The following RTN4 variants were observed in gnomAD, a reference collection of about 807,000 sequenced individuals.
RTN4 encodes reticulon 4, also known as reticulon-4.
A neutral mutation model predicts 90.4 loss-of-function variants in RTN4; 32 were observed. The ratio of observed to expected loss-of-function variants is 0.35; its 90% CI spans 0.27 to 0.48. The LOEUF is 0.48. RTN4 is among the 20% of genes least tolerant of loss of function. The pLI is 0.99. For synonymous variants in RTN4, 629 were observed against 552.5 expected, an observed-to-expected ratio of 1.14 and a Z score of -1.94; for missense variants, 1,706 against 1,430.2, an observed-to-expected ratio of 1.19 and a Z score of -3.11.
At chr2:55,005,493 G>C (rs568239438) in intron 3 of RTN4, among the ~76,000 whole-genome samples, 1 of 152,308 alleles carries the variant, frequency 6.6e-6, no homozygotes, top group South Asian at 2.1e-4. Flanking sequence ...ATCCATGATA[G>C]ACACTCACAT....
At chr2:55,048,119 A>G (rs1416444567) in intron 1 of RTN4, among the ~76,000 whole-genome samples, 1 of 152,220 alleles carries the variant, frequency 6.6e-6, no homozygotes, top group African/African-American at 2.4e-5. Flanking sequence ...CTGTAACACA[A>G]TGGTATTTGT....
Position 55,050,225 on chromosome 2 carries a change from G to T in RTN4, c.76C>A (p.Gln26Lys). ...PPRPQPAFKY[Q>K]FVREPEDEEE... ...TCGTCCTCGGGCTCCCTCACGAACT[G>T]GTACTTGAACGCGGGCTGCGGCCGG... The change falls in exon 1 of 9, where the codon CAG becomes AAG. Residue 26 changes from glutamine to lysine, a missense_variant. By Grantham distance (53) the Gln-to-Lys change is moderately conservative. Coordinates refer to ENST00000337526, the MANE Select transcript of RTN4 (RefSeq NM_020532.5). This position sits in a 1 kb window ranked among gnomAD's most constrained non-coding sequence, Gnocchi z 4.6. 2 of 1,560,430 alleles carry T rather than the reference G, an allele frequency of 1.3e-6. No homozygotes were observed. Among genetic ancestry groups the T allele is most frequent in the South Asian group, 2.3e-5 (2 of 85,236 alleles).
At chr2:54,981,817 A>ATATGAATCATATACAAGCTAAGAAAC (rs70944201) in intron 5 of RTN4, among the ~76,000 whole-genome samples, 1 of 151,750 alleles carries the variant, frequency 6.6e-6, no homozygotes, top group Non-Finnish European at 1.5e-5. Context: ...TTTCATGTAC[A>ATATGAATCATATACAAGCTAAGAAAC]TAAGTGCTAG....
rs1185967561 is a variant in RTN4 at position 55,103,649 on chromosome 2, C to T, written c.-214+8871G>A. 3.3e-5 allele frequency among the ~76,000 whole-genome samples: 5 copies of T among 152,102 alleles called. No individual in the cohort carries two copies. The South Asian group carries it at 6.2e-4, about 19-fold the overall frequency. ...CTTTATTTTTTTCCCTCTTTTTCTA[C>T]GTCTCACAGAAGACTTCTATACAGT... is the stretch of plus-strand genomic sequence containing the variant. On this transcript the variant is annotated intron_variant, in intron 1 of 3. Coordinates refer to the RTN4 transcript ENST00000427710.
chr2:55,047,975 T>C (rs529454599), intron 1 of RTN4, among the ~76,000 whole-genome samples: 18 of 152,356 alleles, frequency 1.2e-4, no homozygotes, highest in African/African-American at 4.3e-4. Flanking sequence ...TAGGCAATTC[T>C]GTCGTTGTGC....
chr2:55,098,959 T>C (rs1043046600), intron 1 of RTN4, among the ~76,000 whole-genome samples: 1 of 152,198 alleles, frequency 6.6e-6, no homozygotes, highest in African/African-American at 2.4e-5. Context: ...GACTTCTTCA[T>C]GAATGGGTGT....
the RTN4 span, among the ~76,000 whole-genome samples, chr2:55,135,095 A>C: frequency 6.6e-6 from 1 of 152,180 alleles, no homozygotes; most frequent in Admixed American, 6.5e-5. Context: ...GTGAGACTCC[A>C]TTTCTATTAA....
At chr2:54,990,829 G>A (rs917610791) in intron 3 of RTN4, among the ~76,000 whole-genome samples, 16 of 151,536 alleles carry the variant, frequency 1.1e-4, no homozygotes, top group African/African-American at 2.2e-4. Flanking sequence ...ACTGTCGCCC[G>A]GGCTGGAGTG....
upstream of RTN4, chr2:55,112,632 G>A (rs956159568): frequency 6.6e-6 from 1 of 152,376 alleles, no homozygotes; most frequent in Non-Finnish European, 1.5e-5. Context: ...GCTGGAACCT[G>A]ACCCTGAAGC....
rs1681771984 is a variant in RTN4 at position 55,025,517 on chromosome 2, T to C, written c.2582A>G (p.Asp861Gly). ...ATCTATAATTTCAATTGGAGATGAA[T>C]CTGAAAACGTTTCAGTTTCTCTTAT... is the stretch of plus-strand genomic sequence containing the variant. ...AQIRETETFSDSSPIEIIDEF... is the reference protein window; with the variant it reads ...AQIRETETFSGSSPIEIIDEF... The change falls in exon 3 of 9, where the codon GAT (aspartate) becomes GGT (glycine). Residue 861 changes from aspartate (D) to glycine (G), a missense_variant. Physicochemically the swap from Asp to Gly is moderately conservative, Grantham distance 94. Transcript: ENST00000337526. The C allele has an allele frequency of 6.2e-7, 1 of 1,613,724 alleles. No homozygotes were observed. Among genetic ancestry groups the C allele is most frequent in the Non-Finnish European group, 8.5e-7 (1 of 1,179,774 alleles).
At chr2:55,037,559 G>A (rs141533225) in intron 1 of RTN4, among the ~76,000 whole-genome samples, 4 of 152,192 alleles carry the variant, frequency 2.6e-5, no homozygotes, top group African/African-American at 9.7e-5. Flanking sequence ...ACTGGCACAA[G>A]AAAATGCTAA....
intron 2 of RTN4, among the ~76,000 whole-genome samples, chr2:55,066,099 G>C (rs1668384629): frequency 6.6e-6 from 1 of 152,006 alleles, no homozygotes; most frequent in South Asian, 2.1e-4. Flanking sequence ...ACATGAATTG[G>C]AAGGAATGAT....
intron 5 of RTN4, among the ~76,000 whole-genome samples, chr2:54,975,624 A>G (rs72795421): frequency 0.015 from 2,264 of 152,322 alleles, 32 homozygotes; most frequent in Non-Finnish European, 0.023. Flanking sequence ...TAGCTCCCAC[A>G]CTATACAAAA....
chr2:55,046,680 G>C (rs529153867), intron 1 of RTN4: 3 of 152,256 alleles, frequency 2.0e-5, no homozygotes, highest in Admixed American at 6.5e-5. Flanking sequence ...TCAAAGCTTA[G>C]AATAGATCCT....
intron 2 of RTN4, 110 bp from the exon 3 acceptor site, chr2:55,027,595 A>C: frequency 1.8e-6 from 2 of 1,100,294 alleles, no homozygotes; most frequent in Non-Finnish European, 2.6e-6. Context: ...TGTTTACTAA[A>C]ATGAAATGTT....
At chr2:55,052,904 C>T (rs1668123332), upstream of RTN4, among the ~76,000 whole-genome samples, 1 of 152,128 alleles carries the variant, frequency 6.6e-6, no homozygotes, top group African/African-American at 2.4e-5. Flanking sequence ...ATAAACAGGA[C>T]TTACGTTATT....
chr2:55,052,832 C>T (rs1459096787), upstream of RTN4, among the ~76,000 whole-genome samples: 1 of 152,164 alleles, frequency 6.6e-6, no homozygotes, highest in African/African-American at 2.4e-5. Context: ...ATGCTTTTCC[C>T]ACTATGACTG....
intron 3 of RTN4, among the ~76,000 whole-genome samples, chr2:55,013,618 G>T: frequency 9.1e-6 from 1 of 109,542 alleles, no homozygotes; most frequent in Non-Finnish European, 1.8e-5. Flanking sequence ...TGGGGGGGGG[G>T]GAGGGTGTAG....
At chr2:55,077,790 C>CACACACACACACAG (rs1016565135) in intron 2 of RTN4, among the ~76,000 whole-genome samples, 1 of 149,018 alleles carries the variant, frequency 6.7e-6, no homozygotes, top group African/African-American at 2.5e-5. Flanking sequence ...CACACACACA[C>CACACACACACACAG]ACAGACACAC....
Sources: gnomAD v4.1 joint callset for allele counts (sites outside exome capture counted in the v4.1 genomes callset) on GRCh38, gnomAD v4.1.1 for gene constraint, Gnocchi (gnomAD v3.1) non-coding constraint, MANE v1.5 for transcripts, NCBI Gene and HGNC (gene_info 2026-07-23, HGNC 2026-07-21) for gene names.